WDHD1: variants seen among roughly 807,000 people sequenced by gnomAD.
WDHD1 encodes the protein WD repeat and HMG-box DNA binding protein 1.
WDHD1 carries 111 observed loss-of-function variants against 135.4 expected under a neutral mutation model. The ratio of observed to expected loss-of-function variants is 0.82; its 90% confidence interval spans 0.70 to 0.96. The LOEUF is 0.96. WDHD1 is among the 40% of genes least tolerant of loss of function. WDHD1 has a pLI of 0.00. For synonymous variants in WDHD1, 434 were observed against 439.0 expected, an observed-to-expected ratio of 0.99 and a Z score of 0.14; for missense variants, 1,351 against 1,336.3, an observed-to-expected ratio of 1.01 and a Z score of -0.17.
intron 7 of WDHD1, among the ~76,000 whole-genome samples, chr14:55,006,647 AG>A (rs2042075072): frequency 6.6e-6 from 1 of 152,202 alleles, no homozygotes; most frequent in African/African-American, 2.4e-5. Flanking sequence ...TGTATCAGTT[AG>A]TACCTCCAAA....
At chr14:54,997,906 C>T (rs918552789) in intron 10 of WDHD1, among the ~76,000 whole-genome samples, 24 of 127,710 alleles carry the variant, frequency 1.9e-4, no homozygotes, top group Admixed American at 1.8e-3. Flanking sequence ...AGCGGAACTC[C>T]GTCTCAAAAA....
intron 2 of WDHD1, among the ~76,000 whole-genome samples, chr14:55,018,955 A>C (rs553818328): frequency 1.3e-5 from 2 of 152,170 alleles, no homozygotes; most frequent in Non-Finnish European, 2.9e-5. Flanking sequence ...CCTGGGAGGC[A>C]GAGGTTACAG....
intron 16 of WDHD1, among the ~76,000 whole-genome samples, chr14:54,975,971 A>G (rs963233511): frequency 1.3e-5 from 2 of 152,228 alleles, no homozygotes; most frequent in African/African-American, 4.8e-5. Flanking sequence ...AGGTATCACT[A>G]AGTCACTTCA....
At chr14:54,964,715 G>A (rs1451967012) in intron 18 of WDHD1, among the ~76,000 whole-genome samples, 1 of 152,216 alleles carries the variant, frequency 6.6e-6, no homozygotes, top group Middle Eastern at 3.4e-3. Flanking sequence ...TTTGCCCGGG[G>A]GTCAGGAATG....
chr14:55,012,736 C>T (rs779046378), intron 3 of WDHD1, among the ~76,000 whole-genome samples: 4 of 152,152 alleles, frequency 2.6e-5, no homozygotes, highest in South Asian at 2.1e-4. Flanking sequence ...AAAGAGAGGG[C>T]GAGAGGGAGA....
intron 24 of WDHD1, among the ~76,000 whole-genome samples, chr14:54,949,172 GAGA>G (rs756604244): frequency 6.6e-6 from 1 of 152,212 alleles, no homozygotes; most frequent in Non-Finnish European, 1.5e-5. Context: ...GACGAGTTGA[GAGA>G]AGAAGGCTTC....
At chr14:55,005,760 G>C (rs1389022913) in intron 7 of WDHD1, 4 of 371,664 alleles carry the variant, frequency 1.1e-5, no homozygotes, top group Middle Eastern at 8.3e-4. Context: ...GGGTAGTGCA[G>C]AAAGCCCTCA....
chr14:54,990,426 T>G (rs1311761969), intron 12 of WDHD1, among the ~76,000 whole-genome samples: 1 of 151,932 alleles, frequency 6.6e-6, no homozygotes, highest in African/African-American at 2.4e-5. Flanking sequence ...TGAAATCCCA[T>G]CTCTACTAAA....
chr14:54,970,903 T>G (rs1211474173), intron 16 of WDHD1, among the ~76,000 whole-genome samples: 1 of 151,954 alleles, frequency 6.6e-6, no homozygotes, highest in Non-Finnish European at 1.5e-5. Flanking sequence ...CACAGACCAG[T>G]GGAACACAAT....
At chr14:54,951,347 C>T (rs1261654591) in intron 24 of WDHD1, among the ~76,000 whole-genome samples, 3 of 152,008 alleles carry the variant, frequency 2.0e-5, no homozygotes, top group African/African-American at 7.3e-5. Context: ...ATACAAACTA[C>T]CATCAAAGAA....
intron 25 of WDHD1, 132 bp from the exon 26 acceptor site, chr14:54,941,822 C>G (rs2040843616): frequency 1.3e-6 from 1 of 746,900 alleles, no homozygotes; most frequent in South Asian, 2.2e-5. Context: ...ATTAAGTGTT[C>G]TCATTGTTAA....
intron 2 of WDHD1, among the ~76,000 whole-genome samples, chr14:55,023,506 T>C (rs184549747): frequency 1.1e-4 from 17 of 152,348 alleles, no homozygotes; most frequent in African/African-American, 4.1e-4. Context: ...CTTTTCTCTC[T>C]TAATGTCATG....
In WDHD1 at chr14:54,948,414, T is replaced by C. The variant is rs150619409; in HGVS notation, c.3051-3944A>G. Among the ~76,000 whole-genome samples, 810 of 152,332 alleles carry C rather than the reference T, an allele frequency of 5.3e-3. 10 individuals carry two copies. Among genetic ancestry groups the C allele is most frequent in the African/African-American group, 0.018 (764 of 41,586 alleles). On this transcript the variant is annotated intron_variant, in intron 24 of 25. Transcript: ENST00000360586. ...ACACCAGGAGATTATATCCCACTCC[T>C]GGCTCAGAGGGTCCCATGCCCATGG...
At chr14:54,945,872 G>A (rs1180263928) in intron 24 of WDHD1, among the ~76,000 whole-genome samples, 1 of 151,992 alleles carries the variant, frequency 6.6e-6, no homozygotes, top group Non-Finnish European at 1.5e-5. Context: ...GCAGCTATAC[G>A]CCCCTCACTA....
At chr14:55,006,976 T>C (rs1289505245) in intron 7 of WDHD1, among the ~76,000 whole-genome samples, 1 of 152,046 alleles carries the variant, frequency 6.6e-6, no homozygotes, top group Non-Finnish European at 1.5e-5. Context: ...CCTGTAATAC[T>C]AGCATTTTGT....
chr14:54,952,864 A>T (rs1346791088), intron 24 of WDHD1, among the ~76,000 whole-genome samples: 1 of 152,256 alleles, frequency 6.6e-6, no homozygotes, highest in African/African-American at 2.4e-5. Context: ...GACAAAAACA[A>T]GAAATGGGGA....
At chr14:55,013,115 G>A (rs1051282031) in intron 3 of WDHD1, among the ~76,000 whole-genome samples, 4 of 148,922 alleles carry the variant, frequency 2.7e-5, no homozygotes, top group Non-Finnish European at 5.9e-5. Flanking sequence ...AGTCCTAGCT[G>A]CCCGGGAGGC....
chr14:54,963,068 T>C lies in WDHD1; in HGVS notation c.2415A>G (p.Lys805=). The change falls in exon 19 of 26, where the codon AAA becomes AAG. Residue 805 remains lysine, a synonymous_variant. Coordinates refer to ENST00000360586, the MANE Select transcript of WDHD1 (RefSeq NM_007086.4). The part of the protein sequence containing the change: ...LAIKYASRSR[K]LILAQKLSEL... The stretch of plus-strand genomic sequence containing the variant: ...CACTTAGTTTTTGAGCCAGTATTAA[T>C]TTCCGAGAGCGAGAAGCATATTTAA... 1 of 1,613,274 alleles carries C rather than the reference T, an allele frequency of 6.2e-7. No homozygotes were observed. The highest frequency in any genetic ancestry group is 1.3e-5 in the African/African-American group (1 of 74,806).
rs575155600 is a variant in WDHD1 at position 54,951,342 on chromosome 14, A to C, written c.3050+4219T>G. Among the ~76,000 whole-genome samples, 40 of 152,216 alleles carry C rather than the reference A, an allele frequency of 2.6e-4. 1 individual carries two copies. The East Asian group carries it at 6.8e-3, about 26-fold the overall frequency. ...TCACCACTGATCCCACAGAAATACAAACTACCATCAAAGAATACTATAAAC... is the reference window on the plus strand; with the variant it reads ...TCACCACTGATCCCACAGAAATACACACTACCATCAAAGAATACTATAAAC... On this transcript the variant is annotated intron_variant, in intron 24 of 25. Coordinates refer to ENST00000360586, the MANE Select transcript of WDHD1 (RefSeq NM_007086.4).
Sources: allele counts gnomAD v4.1 joint callset (sites outside exome capture counted in the v4.1 genomes callset), GRCh38; gene constraint gnomAD v4.1.1; transcripts MANE v1.5; gene names NCBI Gene and HGNC (gene_info 2026-07-23, HGNC 2026-07-21).